Variants in LRBA observed in about 807,000 individuals in gnomAD.
LRBA encodes the protein LPS responsive beige-like anchor protein, also known as lipopolysaccharide-responsive and beige-like anchor protein.
A neutral mutation model predicts 330.0 loss-of-function variants in LRBA; 176 were observed. The observed-to-expected ratio is 0.53, with a 90% confidence interval of 0.47 to 0.60. The LOEUF (loss-of-function observed/expected upper bound fraction) is 0.60. LRBA is among the 20% of genes least tolerant of loss of function. LRBA has a pLI of 0.00. For synonymous variants in LRBA, 1,230 were observed against 1,193.0 expected, an observed-to-expected ratio of 1.03 and a Z score of -0.64; for missense variants, 3,259 against 3,444.8, an observed-to-expected ratio of 0.95 and a Z score of 1.35.
chr4:150,930,629 C>T (rs1259410435), intron 2 of LRBA, among the ~76,000 whole-genome samples: 1 of 152,174 alleles, frequency 6.6e-6, no homozygotes, highest in Non-Finnish European at 1.5e-5. Flanking sequence ...GCAGGATCAA[C>T]AACATGTATC....
intron 22 of LRBA, among the ~76,000 whole-genome samples, chr4:150,862,181 T>A (rs1458447778): frequency 6.6e-6 from 1 of 152,158 alleles, no homozygotes; most frequent in Non-Finnish European, 1.5e-5. Flanking sequence ...CATTACTGGG[T>A]ATATACCCAA....
At chr4:150,727,771 C>A (rs1185686382) in intron 36 of LRBA, among the ~76,000 whole-genome samples, 1 of 151,716 alleles carries the variant, frequency 6.6e-6, no homozygotes, top group Non-Finnish European at 1.5e-5. Flanking sequence ...AAAAGAAAAT[C>A]TTCAAATAAA....
At chr4:150,968,957 G>A (rs1305101406) in intron 2 of LRBA, among the ~76,000 whole-genome samples, 1 of 152,126 alleles carries the variant, frequency 6.6e-6, no homozygotes, top group Non-Finnish European at 1.5e-5. Context: ...TCAGAATTAT[G>A]TTAAATGTAC....
intron 46 of LRBA, among the ~76,000 whole-genome samples, chr4:150,434,143 C>T (rs1039222146): frequency 3.3e-5 from 5 of 151,984 alleles, no homozygotes; most frequent in African/African-American, 1.2e-4. Flanking sequence ...TTATTTTCTC[C>T]CATATGGTAT....
At chr4:150,993,721 T>C (rs1200103208) in intron 2 of LRBA, among the ~76,000 whole-genome samples, 2 of 152,224 alleles carry the variant, frequency 1.3e-5, no homozygotes, top group African/African-American at 2.4e-5. Flanking sequence ...AAACCCCTGA[T>C]AAAACCATCA....
chr4:150,275,070 G>T (rs1260803210), intron 56 of LRBA, among the ~76,000 whole-genome samples: 1 of 152,120 alleles, frequency 6.6e-6, no homozygotes, highest in Non-Finnish European at 1.5e-5. Flanking sequence ...ACATCAAAAA[G>T]CTTATCCACC....
intron 37 of LRBA, among the ~76,000 whole-genome samples, chr4:150,663,567 GA>G (rs1447003612): frequency 6.7e-6 from 1 of 149,210 alleles, no homozygotes; most frequent in African/African-American, 2.5e-5. Flanking sequence ...AAAAAAAGAA[GA>G]GAAAAAATAA....
In LRBA at chr4:150,639,755, A is replaced by ATGTGTG. The variant is rs1315117133; in HGVS notation, c.5922-40625_5922-40624insCACACA. ...GCCCCAAATATATATATATATATAT[A>ATGTGTG]TATATATATATATATATATATATAT... On this transcript the variant is annotated intron_variant, in intron 37 of 56. Transcript: ENST00000651943. Among the ~76,000 whole-genome samples, 26 of 20,208 alleles carry ATGTGTG rather than the reference A, an allele frequency of 1.3e-3. 4 individuals carry two copies. The highest frequency in any genetic ancestry group is 1.7e-3 in the Non-Finnish European group (20 of 11,644). The allele number at this position is 20,208 out of a possible 152,430, so 13.3% of individuals were successfully genotyped here.
chr4:150,817,388 A>C, intron 30 of LRBA, 131 bp from the exon 31 acceptor site: 2 of 777,586 alleles, frequency 2.6e-6, no homozygotes, highest in Non-Finnish European at 4.2e-6. Context: ...TTTGATGTAC[A>C]ATTTAGACTT....
chr4:150,962,408 C>T (rs1175227457), intron 2 of LRBA, among the ~76,000 whole-genome samples: 1 of 149,258 alleles, frequency 6.7e-6, no homozygotes, highest in Non-Finnish European at 1.5e-5. Context: ...ATCTCAGCTA[C>T]TCAGGCAGCT....
At chr4:150,328,406 T>A (rs951880927) in intron 48 of LRBA, among the ~76,000 whole-genome samples, 3 of 152,156 alleles carry the variant, frequency 2.0e-5, no homozygotes, top group East Asian at 1.9e-4. Context: ...CTTTTTTTTT[T>A]ATCTTTCTCT....
chr4:150,812,962 T>C lies in LRBA; in HGVS notation c.5305+4162A>G, dbSNP rs115191078. 1.1e-3 allele frequency among the ~76,000 whole-genome samples: 162 copies of C among 152,022 alleles called. 3 individuals are homozygous for C. Among genetic ancestry groups the C allele is most frequent in the African/African-American group, 3.8e-3 (159 of 41,484 alleles). Reference sequence around the variant, plus strand: ...CACTTGAAGCCAGGACTTCAAGGCTTGTCTGGGCAATAGAACAAGACTCTG... The same window carrying C: ...CACTTGAAGCCAGGACTTCAAGGCTCGTCTGGGCAATAGAACAAGACTCTG... On this transcript the variant is annotated intron_variant, in intron 31 of 56. Coordinates refer to ENST00000651943, the MANE Select transcript of LRBA (RefSeq NM_001364905.1).
chr4:150,570,514 A>C (rs1769706132), intron 40 of LRBA, among the ~76,000 whole-genome samples: 1 of 152,122 alleles, frequency 6.6e-6, no homozygotes, highest in Non-Finnish European at 1.5e-5. Flanking sequence ...AAGGTCTTAC[A>C]CTTTAGGGGA....
intron 44 of LRBA, among the ~76,000 whole-genome samples, chr4:150,462,638 C>G (rs1404676753): frequency 6.6e-6 from 1 of 151,600 alleles, no homozygotes; most frequent in Admixed American, 6.6e-5. Context: ...AGCTTTGTAT[C>G]AAAGGTACTA....
intron 20 of LRBA, among the ~76,000 whole-genome samples, chr4:150,868,665 A>T (rs1376568217): frequency 6.6e-6 from 1 of 152,194 alleles, no homozygotes; most frequent in Non-Finnish European, 1.5e-5. Context: ...AGGCCGGGCG[A>T]GGTGGCTCAC....
chr4:150,529,682 A>T (rs1474014527), intron 40 of LRBA, among the ~76,000 whole-genome samples: 1 of 151,798 alleles, frequency 6.6e-6, no homozygotes, highest in Non-Finnish European at 1.5e-5. Flanking sequence ...AGATCATGCC[A>T]CTGCACTCCA....
At chr4:150,457,718 A>G (rs889676534) in intron 44 of LRBA, among the ~76,000 whole-genome samples, 3 of 151,960 alleles carry the variant, frequency 2.0e-5, no homozygotes, top group Admixed American at 6.6e-5. Context: ...AAACTTAAAA[A>G]AAATTTCCTA....
intron 40 of LRBA, among the ~76,000 whole-genome samples, chr4:150,501,513 G>A (rs1482653867): frequency 1.3e-5 from 2 of 152,090 alleles, no homozygotes; most frequent in East Asian, 3.9e-4. Flanking sequence ...TAGGGCGGCT[G>A]AGGCAGGAGA....
chr4:150,643,531 G>C (rs79328623), intron 37 of LRBA, among the ~76,000 whole-genome samples: 1 of 151,978 alleles, frequency 6.6e-6, no homozygotes, highest in East Asian at 1.9e-4. Context: ...CAAAAATGCT[G>C]CATGCATGAA....
Sources: allele counts gnomAD v4.1 joint callset (sites outside exome capture counted in the v4.1 genomes callset), GRCh38; gene constraint gnomAD v4.1.1; transcripts MANE v1.5; gene names NCBI Gene and HGNC (gene_info 2026-07-23, HGNC 2026-07-21).